Variants in IGF2BP3 observed in about 807,000 individuals in gnomAD.
IGF2BP3 encodes insulin-like growth factor 2 mRNA-binding protein 3.
Under a neutral mutation model 73.8 loss-of-function variants are expected in IGF2BP3, and 9 were observed. The ratio of observed to expected loss-of-function variants is 0.12; its 90% CI spans 0.07 to 0.21. IGF2BP3 has a LOEUF of 0.21. Among genes scored for constraint, IGF2BP3 ranks in the 10% least tolerant of loss-of-function variants. The pLI is 1.00. For synonymous variants in IGF2BP3, 258 were observed against 256.7 expected, an observed-to-expected ratio of 1.01 and a Z score of -0.05; for missense variants, 542 against 714.0, an observed-to-expected ratio of 0.76 and a Z score of 2.75.
At chr7:23,405,359 G>C (rs576841284) in intron 3 of IGF2BP3, among the ~76,000 whole-genome samples, 3 of 152,192 alleles carry the variant, frequency 2.0e-5, no homozygotes, top group African/African-American at 7.2e-5. Flanking sequence ...TCAAAGTAAA[G>C]ATAACAGACA....
chr7:23,370,081 C>G (rs899722398), intron 3 of IGF2BP3, among the ~76,000 whole-genome samples: 1 of 152,140 alleles, frequency 6.6e-6, no homozygotes, highest in Non-Finnish European at 1.5e-5. Flanking sequence ...TGTCAGTTAC[C>G]TGGTACTACT....
intron 3 of IGF2BP3, among the ~76,000 whole-genome samples, chr7:23,373,927 C>G: frequency 6.6e-6 from 1 of 152,318 alleles, no homozygotes; most frequent in African/African-American, 2.4e-5. Flanking sequence ...TGCTCCCTCT[C>G]ATGCCATGTG....
chr7:23,427,726 G>C (rs1787552575), intron 2 of IGF2BP3, among the ~76,000 whole-genome samples: 1 of 151,628 alleles, frequency 6.6e-6, no homozygotes, highest in Non-Finnish European at 1.5e-5. Flanking sequence ...AGAAAAATTA[G>C]GCCAGGCACA....
chr7:23,396,716 G>T lies in IGF2BP3; in HGVS notation c.285+22060C>A, dbSNP rs571993985. On this transcript the variant is annotated intron_variant, in intron 3 of 14. Transcript: ENST00000258729. ...AGACTGTTGGGGGGGAAAAAAAAGA[G>T]CAAATGGATTCTTGGCAAAGAAAAT... is the stretch of plus-strand genomic sequence containing the variant. 6.6e-5 allele frequency among the ~76,000 whole-genome samples: 10 copies of T among 152,194 alleles called. No homozygotes were observed. The South Asian group carries it at 1.9e-3, about 28-fold the overall frequency.
At chr7:23,450,375 T>G (rs536581090) in intron 2 of IGF2BP3, among the ~76,000 whole-genome samples, 5 of 152,148 alleles carry the variant, frequency 3.3e-5, no homozygotes, top group Admixed American at 1.3e-4. Flanking sequence ...CTGGCAGATA[T>G]TTTCTCAAAA....
intron 11 of IGF2BP3, 106 bp from the exon 12 acceptor site, chr7:23,317,819 A>T: frequency 1.1e-6 from 1 of 912,602 alleles, no homozygotes; most frequent in Non-Finnish European, 1.8e-6. Context: ...ATGCAGAATT[A>T]AAGCCTTCGT....
At chr7:23,321,452 C>T (rs547288256) in intron 10 of IGF2BP3, among the ~76,000 whole-genome samples, 11 of 152,232 alleles carry the variant, frequency 7.2e-5, no homozygotes, top group Non-Finnish European at 1.2e-4. Context: ...ATTGCTAGCA[C>T]AGCAGTCTGA....
At chr7:23,417,532 G>T (rs1386686211) in intron 3 of IGF2BP3, among the ~76,000 whole-genome samples, 4 of 152,180 alleles carry the variant, frequency 2.6e-5, no homozygotes, top group Non-Finnish European at 5.9e-5. Context: ...TCTGCCCATA[G>T]CAGATATGCT....
chr7:23,330,361 C>G (rs1784414075), intron 10 of IGF2BP3, among the ~76,000 whole-genome samples: 1 of 149,220 alleles, frequency 6.7e-6, no homozygotes, highest in African/African-American at 2.4e-5. Context: ...ATATATATTT[C>G]TCTAGAGCTG....
At chr7:23,342,312 G>A in intron 9 of IGF2BP3, 123 bp from the exon 10 acceptor site, 1 of 1,075,678 alleles carries the variant, frequency 9.3e-7, no homozygotes, top group Non-Finnish European at 1.4e-6. Context: ...ATAACTCAAA[G>A]CAGATGTTCC....
intron 3 of IGF2BP3, among the ~76,000 whole-genome samples, chr7:23,406,050 G>A (rs1786819013): frequency 6.8e-6 from 1 of 146,826 alleles, no homozygotes; most frequent in Admixed American, 6.9e-5. Flanking sequence ...TAAAAGCCAT[G>A]ATCAAAATTT....
chr7:23,422,753 T>G (rs900130278), intron 2 of IGF2BP3, among the ~76,000 whole-genome samples: 1 of 152,246 alleles, frequency 6.6e-6, no homozygotes, highest in Admixed American at 6.5e-5. Context: ...CCTGATACTC[T>G]TAAGTTTCAT....
intron 2 of IGF2BP3, among the ~76,000 whole-genome samples, chr7:23,450,196 T>C (rs892287459): frequency 1.3e-5 from 2 of 152,204 alleles, no homozygotes; most frequent in African/African-American, 4.8e-5. Flanking sequence ...CATCCTTTTA[T>C]GATCTGTATG....
At chr7:23,362,759 T>C (rs574300365) in intron 3 of IGF2BP3, 1 of 152,302 alleles carries the variant, frequency 6.6e-6, no homozygotes, top group South Asian at 2.1e-4. Flanking sequence ...TATTTATTTA[T>C]TTATTTATTT....
At chr7:23,419,716 G>A (rs889480035) in intron 2 of IGF2BP3, among the ~76,000 whole-genome samples, 6 of 152,176 alleles carry the variant, frequency 3.9e-5, no homozygotes, top group African/African-American at 1.4e-4. Flanking sequence ...AGCTGGGCAT[G>A]GTGGCAGGTG....
intron 10 of IGF2BP3, among the ~76,000 whole-genome samples, chr7:23,320,224 T>C (rs1247649609): frequency 6.6e-6 from 1 of 152,142 alleles, no homozygotes; most frequent in Non-Finnish European, 1.5e-5. Context: ...CTTTGCATTT[T>C]ATACATGAAA....
At chr7:23,351,691 A>G in intron 5 of IGF2BP3, 105 bp from the exon 6 acceptor site, 1 of 1,236,138 alleles carries the variant, frequency 8.1e-7, no homozygotes, top group Non-Finnish European at 1.1e-6. Context: ...CTAGCTCTAA[A>G]CTTCTGAGTG....
chr7:23,313,453 TG>T (rs1583868805), intron 13 of IGF2BP3, 68 bp downstream of exon 13: 1 of 1,528,304 alleles, frequency 6.5e-7, no homozygotes, highest in East Asian at 2.3e-5. Context: ...TTCGGGGACT[TG>T]GAACTCCTAA....
chr7:23,374,230 G>A (rs1429486802), intron 3 of IGF2BP3, among the ~76,000 whole-genome samples: 1 of 152,096 alleles, frequency 6.6e-6, no homozygotes, highest in Non-Finnish European at 1.5e-5. Context: ...AGCAACCCAA[G>A]CATCCTCTGA....
Sources: allele counts gnomAD v4.1 joint callset (sites outside exome capture counted in the v4.1 genomes callset), GRCh38; gene constraint gnomAD v4.1.1; transcripts MANE v1.5; gene names NCBI Gene and HGNC (gene_info 2026-07-23, HGNC 2026-07-21).